LHFPL3: variants seen among roughly 807,000 people sequenced by gnomAD.
The protein encoded by LHFPL3 is LHFPL tetraspan subfamily member 3.
Under a neutral mutation model 19.3 loss-of-function variants are expected in LHFPL3, and 5 were observed. That is an observed-to-expected ratio of 0.26 (90% CI 0.14 to 0.54). The LOEUF (loss-of-function observed/expected upper bound fraction) is 0.54. Ranked by LOEUF, LHFPL3 falls within the 20% of genes least tolerant of loss-of-function variation. The pLI is 0.94. For synonymous variants in LHFPL3, 133 were observed against 126.2 expected, an observed-to-expected ratio of 1.05 and a Z score of -0.36; for missense variants, 249 against 307.4, an observed-to-expected ratio of 0.81 and a Z score of 1.42.
At chr7:104,874,277 AT>A (rs1791891727) in intron 2 of LHFPL3, among the ~76,000 whole-genome samples, 1 of 152,146 alleles carries the variant, frequency 6.6e-6, no homozygotes, top group African/African-American at 2.4e-5. Flanking sequence ...ATTACTCATA[AT>A]TGCAATCTAA....
intron 1 of LHFPL3, among the ~76,000 whole-genome samples, chr7:104,370,553 G>T (rs1358308322): frequency 6.6e-6 from 1 of 152,108 alleles, no homozygotes; most frequent in African/African-American, 2.4e-5. Flanking sequence ...GTTTAATAAC[G>T]TGCACAGGTA....
chr7:104,857,355 T>C (rs1791528337), intron 2 of LHFPL3, among the ~76,000 whole-genome samples: 2 of 152,222 alleles, frequency 1.3e-5, no homozygotes, highest in South Asian at 4.1e-4. Flanking sequence ...AACTAATTTC[T>C]ACTCCAATAG....
At chr7:104,423,133 G>A (rs1290044759) in intron 1 of LHFPL3, among the ~76,000 whole-genome samples, 1 of 152,130 alleles carries the variant, frequency 6.6e-6, no homozygotes, top group East Asian at 1.9e-4. Context: ...GTTACAAGAG[G>A]GGAGGACAAT....
intron 1 of LHFPL3, among the ~76,000 whole-genome samples, chr7:104,641,644 G>A (rs911725825): frequency 2.0e-5 from 3 of 152,096 alleles, no homozygotes; most frequent in East Asian, 1.9e-4. Flanking sequence ...CTGCTGATGC[G>A]CTCTGGCCTG....
intron 1 of LHFPL3, among the ~76,000 whole-genome samples, chr7:104,640,010 C>T (rs1309909147): frequency 6.6e-6 from 1 of 152,164 alleles, no homozygotes; most frequent in African/African-American, 2.4e-5. Context: ...TCTGTCATGT[C>T]ATCTCCCTTT....
rs182139215 is a variant in LHFPL3, at chr7:104,379,305, T to A, written c.445+50081T>A. 1.1e-4 allele frequency among the ~76,000 whole-genome samples: 17 copies of A among 152,316 alleles called. No individual in the cohort carries two copies. The East Asian group carries it at 3.3e-3, about 29-fold the overall frequency. On this transcript the variant is annotated intron_variant, in intron 1 of 2. Coordinates refer to ENST00000424859, the MANE Select transcript of LHFPL3 (RefSeq NM_199000.3). ...TTAGAGGTAATTTGGGGGAACAGTCTGCACTTCTTGGGCCTCCCTCGGCAC... is the reference window on the plus strand; with the variant it reads ...TTAGAGGTAATTTGGGGGAACAGTCAGCACTTCTTGGGCCTCCCTCGGCAC...
At position 104,895,126 on chromosome 7, in the gene LHFPL3, A is replaced by T. The variant is rs147969754; in HGVS notation, c.683-11061A>T. The stretch of plus-strand genomic sequence containing the variant: ...TCCAGCCATAGGATTTTCTTCTCCT[A>T]GTCATTACCAAAGTAGCTTTATTGA... On this transcript the variant is annotated intron_variant, in intron 2 of 2. Transcript: ENST00000424859. 1.0e-3 allele frequency: 155 copies of T among 152,310 alleles called. 1 individual carries two copies. The highest frequency in any genetic ancestry group is 3.6e-3 in the African/African-American group (150 of 41,560). 9.4% of individuals were successfully genotyped at this position (152,310 alleles called of 1,614,324 possible).
chr7:104,445,400 G>A (rs138967057), intron 1 of LHFPL3, among the ~76,000 whole-genome samples: 166 of 152,212 alleles, frequency 1.1e-3, no homozygotes, highest in African/African-American at 3.8e-3. Flanking sequence ...CTAATCTTTG[G>A]TTTCCTCATT....
intron 1 of LHFPL3, among the ~76,000 whole-genome samples, chr7:104,371,170 C>G (rs1204941327): frequency 6.6e-6 from 1 of 152,146 alleles, no homozygotes; most frequent in Admixed American, 6.5e-5. Context: ...AGCATAGACT[C>G]TACTTAGATA....
chr7:104,443,013 C>T (rs1322322358), intron 1 of LHFPL3, among the ~76,000 whole-genome samples: 1 of 152,108 alleles, frequency 6.6e-6, no homozygotes, highest in Non-Finnish European at 1.5e-5. Context: ...ACACTGGATC[C>T]TCTCATTGAC....
At chr7:104,797,959 C>T (rs1377161445) in intron 2 of LHFPL3, among the ~76,000 whole-genome samples, 1 of 105,342 alleles carries the variant, frequency 9.5e-6, no homozygotes, top group Non-Finnish European at 2.0e-5. Flanking sequence ...CAACAACAAA[C>T]TATCAATAAC....
chr7:104,692,195 G>T lies in LHFPL3; in HGVS notation c.446-44480G>T, dbSNP rs946983464. The stretch of plus-strand genomic sequence containing the variant: ...TATGTATTCACAAAGATATGGTTTG[G>T]AATTGGAACTTATGTTTAAAAGGGA... On this transcript the variant is annotated intron_variant, in intron 1 of 2. Coordinates refer to ENST00000424859, the MANE Select transcript of LHFPL3 (RefSeq NM_199000.3). 3.3e-5 allele frequency among the ~76,000 whole-genome samples: 5 copies of T among 152,162 alleles called. No homozygotes were observed. The South Asian group carries it at 1.0e-3, about 32-fold the overall frequency.
chr7:104,578,944 A>C (rs1038768088), intron 1 of LHFPL3, among the ~76,000 whole-genome samples: 2 of 152,186 alleles, frequency 1.3e-5, no homozygotes, highest in African/African-American at 4.8e-5. Flanking sequence ...CTTGCCCACC[A>C]GTGTTCTGGA....
intron 1 of LHFPL3, among the ~76,000 whole-genome samples, chr7:104,588,434 T>C (rs1424067240): frequency 1.3e-5 from 2 of 152,148 alleles, no homozygotes; most frequent in Non-Finnish European, 2.9e-5. Flanking sequence ...TGTAGATGTG[T>C]GGTATTATTT....
intron 2 of LHFPL3, among the ~76,000 whole-genome samples, chr7:104,869,383 C>A (rs1213030134): frequency 2.6e-5 from 4 of 152,048 alleles, no homozygotes; most frequent in African/African-American, 9.7e-5. Flanking sequence ...TGAACTCCAA[C>A]AAATTTACAA....
At chr7:104,586,802 T>A (rs1790587757) in intron 1 of LHFPL3, among the ~76,000 whole-genome samples, 1 of 152,152 alleles carries the variant, frequency 6.6e-6, no homozygotes, top group Admixed American at 6.6e-5. Context: ...ACACAAATGT[T>A]TTATAAAACC....
chr7:104,748,608 A>G (rs527822475), intron 2 of LHFPL3, among the ~76,000 whole-genome samples: 2 of 149,178 alleles, frequency 1.3e-5, no homozygotes, highest in African/African-American at 4.9e-5. Context: ...TACATTGTCT[A>G]TGATGCAAAG....
At chr7:104,471,256 A>G (rs1426154255) in intron 1 of LHFPL3, among the ~76,000 whole-genome samples, 2 of 152,168 alleles carry the variant, frequency 1.3e-5, no homozygotes, top group Non-Finnish European at 2.9e-5. Flanking sequence ...AAAGCACCCC[A>G]TGGAATTTTC....
At chr7:104,835,351 C>G (rs1442885581) in intron 2 of LHFPL3, among the ~76,000 whole-genome samples, 1 of 151,920 alleles carries the variant, frequency 6.6e-6, no homozygotes, top group Non-Finnish European at 1.5e-5. Context: ...TCATGGAGCC[C>G]TACACTTTGC....
Sources: allele counts gnomAD v4.1 joint callset (sites outside exome capture counted in the v4.1 genomes callset), GRCh38; gene constraint gnomAD v4.1.1; transcripts MANE v1.5; gene names NCBI Gene and HGNC (gene_info 2026-07-23, HGNC 2026-07-21).